The following GOLGB1 variants were observed in gnomAD, a reference collection of about 807,000 sequenced individuals.
GOLGB1 encodes the protein golgin B1.
Under a neutral mutation model 336.9 loss-of-function variants are expected in GOLGB1, and 174 were observed. The observed-to-expected ratio is 0.52, with a 90% CI of 0.46 to 0.59. The LOEUF is 0.59. GOLGB1 is among the 20% of genes least tolerant of loss of function. The pLI is 0.00. For missense variants in GOLGB1, 3,331 were observed against 3,645.3 expected, an observed-to-expected ratio of 0.91 and a Z score of 2.22; for synonymous variants, 1,208 against 1,289.2, an observed-to-expected ratio of 0.94 and a Z score of 1.35.
rs1185631286 is a variant in GOLGB1 at position 121,675,220 on chromosome 3, C to CT, written c.9177+1672dup. Among the ~76,000 whole-genome samples the CT allele has an allele frequency of 3.3e-5, 5 of 152,286 alleles. No individual in the cohort carries two copies. The East Asian group carries it at 7.7e-4, about 23-fold the overall frequency. On this transcript the variant is annotated intron_variant, in intron 17 of 21. Transcript: ENST00000614479. Reference sequence around the variant, plus strand: ...AGTGACCTATGCAGTGTTTCTCACACTTTAAGTGGAATTACATATCTCAAT... The same window carrying CT: ...AGTGACCTATGCAGTGTTTCTCACACTTTTAAGTGGAATTACATATCTCAAT...
intron 9 of GOLGB1, 134 bp from the exon 10 acceptor site, chr3:121,715,110 C>A: frequency 1.1e-5 from 6 of 561,454 alleles, no homozygotes; most frequent in Non-Finnish European, 1.6e-5. Flanking sequence ...CCAATGACAA[C>A]ATTATTATTA....
At chr3:121,746,976 G>T in intron 1 of GOLGB1, among the ~76,000 whole-genome samples, 1 of 150,656 alleles carries the variant, frequency 6.6e-6, no homozygotes, top group Non-Finnish European at 1.5e-5. Flanking sequence ...TCTTTACTCG[G>T]GTTGAAAACA....
At chr3:121,731,023 T>C (rs368181692) in intron 1 of GOLGB1, 50 bp from the exon 2 acceptor site, 5 of 1,572,906 alleles carry the variant, frequency 3.2e-6, no homozygotes, top group Non-Finnish European at 4.3e-6. Flanking sequence ...AAAATGAACA[T>C]AGGCTTCTCC....
chr3:121,670,632 T>C (rs1939376569), intron 17 of GOLGB1, among the ~76,000 whole-genome samples: 1 of 152,000 alleles, frequency 6.6e-6, no homozygotes, highest in Non-Finnish European at 1.5e-5. Context: ...AAATGGCTAG[T>C]AGATGTCAAA....
At chr3:121,700,291 G>T (rs560708958) in intron 11 of GOLGB1, among the ~76,000 whole-genome samples, 1 of 152,078 alleles carries the variant, frequency 6.6e-6, no homozygotes, top group South Asian at 2.1e-4. Context: ...TGTTCATAAA[G>T]ATATCAAATT....
chr3:121,731,915 T>TA (rs1173567631), intron 1 of GOLGB1, among the ~76,000 whole-genome samples: 2 of 151,930 alleles, frequency 1.3e-5, no homozygotes. Context: ...ATAAAATTGA[T>TA]AAAACTCTAG....
At chr3:121,664,899 C>T (rs750574302) in intron 21 of GOLGB1, 27 bp downstream of exon 21, 2 of 1,337,402 alleles carry the variant, frequency 1.5e-6, no homozygotes, top group Middle Eastern at 1.8e-4. Context: ...TAATAAAACA[C>T]CCTCTCTTTA....
chr3:121,668,595 C>T (rs1197298363), intron 18 of GOLGB1: 1 of 153,590 alleles, frequency 6.5e-6, no homozygotes, highest in African/African-American at 2.4e-5. Flanking sequence ...ATTGCTTGAA[C>T]CCAGGAGGTG....
At chr3:121,699,715 T>C in intron 12 of GOLGB1, 97 bp downstream of exon 12, 1 of 674,588 alleles carries the variant, frequency 1.5e-6, no homozygotes, top group South Asian at 2.0e-5. Context: ...AATGTACTTC[T>C]CTGGCAACAC....
intron 14 of GOLGB1, among the ~76,000 whole-genome samples, chr3:121,689,247 T>C (rs1191279116): frequency 1.3e-5 from 2 of 152,182 alleles, no homozygotes; most frequent in Admixed American, 6.5e-5. Context: ...AATCGGATGG[T>C]TGCCATGTCT....
Position 121,695,880 on chromosome 3 carries a change from A to C in GOLGB1, c.4643T>G (p.Leu1548Arg), listed in dbSNP as rs1275885474. 1 of 1,614,060 alleles carries C rather than the reference A, an allele frequency of 6.2e-7. No individual in the cohort carries two copies. The highest frequency in any genetic ancestry group is 8.5e-7 in the Non-Finnish European group (1 of 1,179,926). The change falls in exon 13 of 22, where the codon CTT (leucine) becomes CGT (arginine). Residue 1548 changes from leucine to arginine, a missense_variant. By Grantham distance (102) the Leu-to-Arg change is moderately radical. Transcript: ENST00000614479. Reference sequence around the variant, plus strand: ...GAGTTTGTCTCTTTCTTCTTGAAGAAGAGCTAACCTTCCTAAGACCGTATC... The same window carrying C: ...GAGTTTGTCTCTTTCTTCTTGAAGACGAGCTAACCTTCCTAAGACCGTATC... ...EKDTVLGRLA[L>R]LQEERDKLIT...
At chr3:121,692,689 T>A in intron 13 of GOLGB1, 108 bp from the exon 14 acceptor site, 1 of 625,612 alleles carries the variant, frequency 1.6e-6, no homozygotes, top group Non-Finnish European at 2.7e-6. Flanking sequence ...TGAATTAACA[T>A]TCATAACAGG....
chr3:121,714,911 C>A lies in GOLGB1; in HGVS notation c.1354G>T (p.Glu452Ter), dbSNP rs758441188. The A allele has an allele frequency of 4.3e-6, 7 of 1,613,174 alleles. No homozygotes were observed. The highest frequency in any genetic ancestry group is 5.1e-6 in the Non-Finnish European group (6 of 1,179,360). Residue 452 changes from glutamate (E) to a stop codon, truncating the protein, a stop_gained, in exon 10 of 22, where the codon GAA becomes TAA. Transcript: ENST00000614479. LOFTEE classifies it high-confidence loss of function. The part of the protein sequence containing the change: ...FLNRLPLQQH[E>*]TASQTSFPDV... ...GGGAAAGAAGTCTGAGATGCTGTTT[C>A]ATGTTGTTGCAAGGGCAGTCTATTT...
At chr3:121,731,125 A>G (rs1946083242) in intron 1 of GOLGB1, among the ~76,000 whole-genome samples, 152 bp from the exon 2 acceptor site, 1 of 152,244 alleles carries the variant, frequency 6.6e-6, no homozygotes. Context: ...GATGTCTTCA[A>G]AAAGGCATTT....
At chr3:121,681,893 T>C (rs1941110169) in intron 14 of GOLGB1, 28 bp from the exon 15 acceptor site, 1 of 1,470,154 alleles carries the variant, frequency 6.8e-7, no homozygotes, top group East Asian at 2.3e-5. Context: ...GTAAAATGAT[T>C]ATTTGTCACA....
In GOLGB1 at chr3:121,692,168, G is replaced by C. The variant is rs370532886; in HGVS notation, c.7196C>G (p.Ala2399Gly). 1 of 1,605,372 alleles carries C rather than the reference G, an allele frequency of 6.2e-7. No individual in the cohort carries two copies. The part of the protein sequence containing the change: ...IISLLSGKEE[A>G]IQVAIAELRQ... ...CAGTTCAGCAATAGCTACTTGGATT[G>C]CCTCTTCCTTGCCAGAAAGCAGGCT... The change falls in exon 14 of 22, where the codon GCA (alanine) becomes GGA (glycine). Residue 2399 changes from alanine to glycine, a missense_variant. Ala to Gly is a moderately conservative substitution (Grantham distance 60). Coordinates refer to ENST00000614479, the MANE Select transcript of GOLGB1 (RefSeq NM_001366282.2).
rs111688374 is a variant in GOLGB1 at position 121,701,630 on chromosome 3, G to A, written c.1519+851C>T. On this transcript the variant is annotated intron_variant, in intron 11 of 21. Transcript: ENST00000614479. ...GTCTACATGAAGCATATGATAAGTG[G>A]AAGGAGACACGTCTTCATTCTCACT... Among the ~76,000 whole-genome samples the A allele has an allele frequency of 1.5e-3, 233 of 152,248 alleles. 1 individual carries two copies. Among genetic ancestry groups the A allele is most frequent in the Non-Finnish European group, 2.5e-3 (173 of 67,988 alleles).
chr3:121,683,021 G>A (rs1941258794), intron 14 of GOLGB1, among the ~76,000 whole-genome samples: 1 of 145,910 alleles, frequency 6.9e-6, no homozygotes, highest in Non-Finnish European at 1.5e-5. Context: ...AGGAGGTCTA[G>A]ATGAAAGCTG....
At chr3:121,666,034 G>C (rs1027743431) in intron 20 of GOLGB1, among the ~76,000 whole-genome samples, 22 of 152,154 alleles carry the variant, frequency 1.4e-4, no homozygotes, top group African/African-American at 4.8e-4. Flanking sequence ...AAGCAGCTTT[G>C]ATCTGGAACA....
Sources: allele counts gnomAD v4.1 joint callset (sites outside exome capture counted in the v4.1 genomes callset), GRCh38; gene constraint gnomAD v4.1.1; transcripts MANE v1.5; gene names NCBI Gene and HGNC (gene_info 2026-07-23, HGNC 2026-07-21).